Variants in PPP1R1A observed in about 807,000 individuals in gnomAD.
PPP1R1A encodes protein phosphatase 1 regulatory subunit 1A.
Under a neutral mutation model 23.9 loss-of-function variants are expected in PPP1R1A, and 18 were observed. The observed-to-expected ratio is 0.75, with a 90% CI of 0.52 to 1.12. The LOEUF (loss-of-function observed/expected upper bound fraction) is 1.12, where lower values mean the gene tolerates loss of function less well. PPP1R1A is among the 50% of genes most tolerant of loss of function. The probability of loss-of-function intolerance (pLI) is 0.00; values close to 1 mark genes in which losing one functional copy is unlikely to be tolerated. For synonymous variants in PPP1R1A, 84 were observed against 80.7 expected, an observed-to-expected ratio of 1.04 and a Z score of -0.22; for missense variants, 207 against 223.8, an observed-to-expected ratio of 0.92 and a Z score of 0.48.
In PPP1R1A at chr12:54,580,326, C is replaced by T; in HGVS notation, c.*61G>A. The stretch of plus-strand genomic sequence containing the variant: ...TCCCCAAAAGTGAAGGAATAAGAAA[C>T]AAATCCGGTGTCCATGCATTCCCAA... On this transcript the variant is annotated 3_prime_UTR_variant, in exon 7 of 7. Coordinates refer to ENST00000257905, the MANE Select transcript of PPP1R1A (RefSeq NM_006741.4). 1 of 1,607,230 alleles carries T rather than the reference C, an allele frequency of 6.2e-7. No individual in the cohort carries two copies. The highest frequency in any genetic ancestry group is 8.5e-7 in the Non-Finnish European group (1 of 1,177,396).
At chr12:54,584,866 G>A (rs1957893522) in intron 1 of PPP1R1A, among the ~76,000 whole-genome samples, 1 of 152,002 alleles carries the variant, frequency 6.6e-6, no homozygotes, top group Non-Finnish European at 1.5e-5. Flanking sequence ...CCATTCCCCT[G>A]TTCTGTCTCT....
chr12:54,580,857 C>A, intron 6 of PPP1R1A, 87 bp downstream of exon 6: 1 of 1,154,554 alleles, frequency 8.7e-7, no homozygotes, highest in African/African-American at 1.5e-5. Context: ...TTTTCCTTTT[C>A]CTAGACTCCA....
In PPP1R1A at chr12:54,582,237, G is replaced by C. The variant is rs541118730; in HGVS notation, c.248-106C>G. On this transcript the variant is annotated intron_variant, in intron 4 of 6. Coordinates refer to ENST00000257905, the MANE Select transcript of PPP1R1A (RefSeq NM_006741.4). ...CACTAAAGGCTCAGCACACATTGCT[G>C]GGTGTTTGACTTTCCCATCCACTGA... The C allele has an allele frequency of 1.5e-4, 192 of 1,247,230 alleles. 1 individual carries two copies. In the African/African-American group the frequency reaches 2.7e-3, roughly 17 times the overall value. 77.3% of individuals were successfully genotyped at this position (1,247,230 alleles called of 1,614,324 possible).
Position 54,588,648 on chromosome 12 carries a change from T to C in PPP1R1A, c.-160A>G. The C allele has an allele frequency of 4.1e-6, 1 of 241,320 alleles. No individual in the cohort carries two copies. 14.9% of individuals were successfully genotyped at this position (241,320 alleles called of 1,614,324 possible). On this transcript the variant is annotated 5_prime_UTR_variant, in exon 1 of 7. Coordinates refer to ENST00000257905, the MANE Select transcript of PPP1R1A (RefSeq NM_006741.4). ...CGGCACAGCGCTCCCAGCTCGCGGCTCCGGGGACTCTGCCGCCGCCGATTG... is the reference window on the plus strand; with the variant it reads ...CGGCACAGCGCTCCCAGCTCGCGGCCCCGGGGACTCTGCCGCCGCCGATTG...
At chr12:54,582,858 G>A (rs1957869971) in intron 3 of PPP1R1A, 63 bp from the exon 4 acceptor site, 5 of 1,511,086 alleles carry the variant, frequency 3.3e-6, no homozygotes, top group Non-Finnish European at 4.5e-6. Flanking sequence ...CCCCTCCCTT[G>A]CCCTCTAGCC....
At chr12:54,582,867 C>T in intron 3 of PPP1R1A, 72 bp from the exon 4 acceptor site, 1 of 1,456,776 alleles carries the variant, frequency 6.9e-7, no homozygotes. Flanking sequence ...TGCCCTCTAG[C>T]CCCCCATGCC....
chr12:54,579,601 T>C lies in PPP1R1A; in HGVS notation c.*786A>G, dbSNP rs1182697862. The C allele has an allele frequency of 1.2e-5, 12 of 985,356 alleles. No individual in the cohort carries two copies. Among genetic ancestry groups the C allele is most frequent in the Non-Finnish European group, 1.4e-5 (12 of 829,978 alleles). 61.0% of individuals were successfully genotyped at this position (985,356 alleles called of 1,614,324 possible). A position where few individuals can be genotyped will look rare whatever the true frequency, so the allele number is the denominator to read the frequency against. On this transcript the variant is annotated 3_prime_UTR_variant, in exon 7 of 7. Coordinates refer to ENST00000257905, the MANE Select transcript of PPP1R1A (RefSeq NM_006741.4). ...AGATCTGAGACAGTTTCTTCTCTTA[T>C]GCTTGGTTTTGGTCTTATCTGGGCC... is the stretch of plus-strand genomic sequence containing the variant.
At position 54,583,198 on chromosome 12, in the gene PPP1R1A, T is replaced by C; in HGVS notation, c.183+13A>G. On this transcript the variant is annotated intron_variant, in intron 3 of 6. Coordinates refer to ENST00000257905, the MANE Select transcript of PPP1R1A (RefSeq NM_006741.4). Reference sequence around the variant, plus strand: ...GTTTTTTGGGCTGGGCTTAGTGGGATGGGCCAGCTCACCTTGAGATGTGGG... The same window carrying C: ...GTTTTTTGGGCTGGGCTTAGTGGGACGGGCCAGCTCACCTTGAGATGTGGG... 6.4e-7 allele frequency: 1 copy of C among 1,555,700 alleles called. No individual in the cohort carries two copies. Among genetic ancestry groups the C allele is most frequent in the Admixed American group, 2.0e-5 (1 of 49,002 alleles).
intron 1 of PPP1R1A, among the ~76,000 whole-genome samples, chr12:54,586,479 T>C (rs1957912281): frequency 6.6e-6 from 1 of 152,154 alleles, no homozygotes; most frequent in African/African-American, 2.4e-5. Context: ...CTGGAAGCTG[T>C]GGGCACCCCT....
intron 3 of PPP1R1A, 120 bp from the exon 4 acceptor site, chr12:54,582,915 G>A: frequency 2.7e-6 from 3 of 1,117,590 alleles, no homozygotes; most frequent in South Asian, 3.0e-5. Flanking sequence ...GCCTTGCCAG[G>A]CTTTTGGATT....
Position 54,580,377 on chromosome 12 carries a change from T to G in PPP1R1A, c.*10A>C, listed in dbSNP as rs1428060030. ...ACTGCAGTCTTGATCCCAAGATACC[T>G]CCTCCTCTCTCAGACCTGTTATGGG... On this transcript the variant is annotated 3_prime_UTR_variant, in exon 7 of 7. Transcript: ENST00000257905. The G allele has an allele frequency of 1.9e-6, 3 of 1,613,430 alleles. No homozygotes were observed. The highest frequency in any genetic ancestry group is 2.2e-5 in the East Asian group (1 of 44,884).
intron 2 of PPP1R1A, 50 bp downstream of exon 2, chr12:54,584,210 T>G: frequency 6.7e-7 from 1 of 1,493,234 alleles, no homozygotes; most frequent in Non-Finnish European, 9.2e-7. Flanking sequence ...CATTGGGACC[T>G]GCTGCCATAG....
chr12:54,587,745 C>G (rs1431436993), intron 1 of PPP1R1A, among the ~76,000 whole-genome samples: 3 of 152,150 alleles, frequency 2.0e-5, no homozygotes, highest in African/African-American at 7.2e-5. Context: ...ACTCCCCACT[C>G]CAAAGGGCAG....
Position 54,582,143 on chromosome 12 carries a change from G to A in PPP1R1A, c.248-12C>T. 1 of 1,609,434 alleles carries A rather than the reference G, an allele frequency of 6.2e-7. No individual in the cohort carries two copies. Among genetic ancestry groups the A allele is most frequent in the Non-Finnish European group, 8.5e-7 (1 of 1,177,664 alleles). On this transcript the variant is annotated splice_polypyrimidine_tract_variant and intron_variant, in intron 4 of 6. Transcript: ENST00000257905. ...CATCATCTGGAGCTCTGGGGACACA[G>A]AGAAAGGGAGGGAACACTGGATATG...
In PPP1R1A at chr12:54,580,412, A is replaced by T. The variant is rs751689806; in HGVS notation, c.511-20T>A. 51 of 1,607,872 alleles carry T rather than the reference A, an allele frequency of 3.2e-5. No individual in the cohort carries two copies. The highest frequency in any genetic ancestry group is 4.3e-5 in the Non-Finnish European group (50 of 1,174,740). ...TCAGACCTGTTATGGGGGAAAGGGG[A>T]CAGAAAGAGAAGGTGAGAGGCCAGA... On this transcript the variant is annotated intron_variant, in intron 6 of 6. Coordinates refer to ENST00000257905, the MANE Select transcript of PPP1R1A (RefSeq NM_006741.4).
At chr12:54,582,250 TC>T in intron 4 of PPP1R1A, 119 bp from the exon 5 acceptor site, 1 of 1,057,508 alleles carries the variant, frequency 9.5e-7, no homozygotes, top group African/African-American at 1.6e-5. Flanking sequence ...TGTTTGACTT[TC>T]CCATCCACTG....
At chr12:54,587,904 G>A (rs1957926021) in intron 1 of PPP1R1A, among the ~76,000 whole-genome samples, 1 of 152,004 alleles carries the variant, frequency 6.6e-6, no homozygotes, top group Non-Finnish European at 1.5e-5. Context: ...CAGCAAGGTG[G>A]CCCCCAGTTA....
At chr12:54,586,220 T>A (rs1337295319) in intron 1 of PPP1R1A, among the ~76,000 whole-genome samples, 1 of 152,124 alleles carries the variant, frequency 6.6e-6, no homozygotes, top group South Asian at 2.1e-4. Context: ...CTTGGACACA[T>A]CACTTCCTTG....
chr12:54,581,896 C>T lies in PPP1R1A; in HGVS notation c.403+80G>A. On this transcript the variant is annotated intron_variant, in intron 5 of 6. Coordinates refer to ENST00000257905, the MANE Select transcript of PPP1R1A (RefSeq NM_006741.4). The surrounding 1 kb of genome is among the most constrained non-coding windows in gnomAD (Gnocchi z 4.1). ...GCCTCTCCCAGGCTCCAACTCTTTC[C>T]CCTCCCCGCAGTGGGTAAGGCTTGC... 6.7e-7 allele frequency: 1 copy of T among 1,488,152 alleles called. No individual in the cohort carries two copies. The highest frequency in any genetic ancestry group is 2.4e-5 in the East Asian group (1 of 42,336). The allele number at this position is 1,488,152 out of a possible 1,614,324, so 92.2% of individuals were successfully genotyped here. A position where few individuals can be genotyped will look rare whatever the true frequency, so the allele number is the denominator to read the frequency against.
Sources: gnomAD v4.1 joint callset for allele counts (sites outside exome capture counted in the v4.1 genomes callset) on GRCh38, gnomAD v4.1.1 for gene constraint, Gnocchi (gnomAD v3.1) non-coding constraint, MANE v1.5 for transcripts, NCBI Gene and HGNC (gene_info 2026-07-23, HGNC 2026-07-21) for gene names.